The following TBC1D22A variants were observed in gnomAD, a reference collection of about 807,000 sequenced individuals.
TBC1D22A encodes the protein putative GTPase activator.
TBC1D22A carries 38 observed loss-of-function variants against 60.2 expected under a neutral mutation model. The ratio of observed to expected loss-of-function variants is 0.63; its 90% CI spans 0.49 to 0.83. The LOEUF (loss-of-function observed/expected upper bound fraction) is 0.83, where lower values mean the gene tolerates loss of function less well. Among genes scored for constraint, TBC1D22A ranks in the 40% least tolerant of loss-of-function variants. The pLI, the probability that TBC1D22A is intolerant of heterozygous loss-of-function variation, is 0.00. For synonymous variants in TBC1D22A, 302 were observed against 281.7 expected (o/e 1.07, Z -0.72); for missense variants, 628 against 701.0 (o/e 0.90, Z 1.18).
chr22:47,144,498 C>A (rs1255548463), intron 12 of TBC1D22A, among the ~76,000 whole-genome samples: 1 of 152,254 alleles, frequency 6.6e-6, no homozygotes, highest in African/African-American at 2.4e-5. Context: ...ACTGCACCAG[C>A]GTCCCTCCTT....
intron 8 of TBC1D22A, among the ~76,000 whole-genome samples, chr22:46,953,848 ATG>A (rs1555967614): frequency 1.3e-5 from 2 of 152,222 alleles, no homozygotes; most frequent in Non-Finnish European, 2.9e-5. Context: ...TTAGCTGTGC[ATG>A]TGTGTGATTC....
chr22:46,839,196 A>G (rs2147203325), intron 4 of TBC1D22A, among the ~76,000 whole-genome samples: 1 of 152,364 alleles, frequency 6.6e-6, no homozygotes, highest in East Asian at 1.9e-4. Context: ...GTTTCTATAC[A>G]CTAACAACAA....
intron 10 of TBC1D22A, 84 bp from the exon 11 acceptor site, chr22:47,036,987 G>C: frequency 6.4e-7 from 1 of 1,573,294 alleles, no homozygotes; most frequent in Non-Finnish European, 8.7e-7. Context: ...GCGGGCGCAG[G>C]CCCTTGGGGG....
chr22:47,056,708 C>A (rs2148460235), intron 11 of TBC1D22A, among the ~76,000 whole-genome samples: 1 of 152,340 alleles, frequency 6.6e-6, no homozygotes, highest in East Asian at 1.9e-4. Flanking sequence ...CCCAGGCCTT[C>A]TGTCCTAGAA....
chr22:47,015,080 C>T (rs915378692), intron 10 of TBC1D22A, among the ~76,000 whole-genome samples: 1 of 152,216 alleles, frequency 6.6e-6, no homozygotes, highest in Non-Finnish European at 1.5e-5. Context: ...TTCCTGATGC[C>T]CCACCTGCGG....
At chr22:46,999,964 G>A (rs1290008402) in intron 10 of TBC1D22A, among the ~76,000 whole-genome samples, 1 of 152,182 alleles carries the variant, frequency 6.6e-6, no homozygotes, top group East Asian at 1.9e-4. Flanking sequence ...GGCGGAGCTC[G>A]CAGTGAGCCG....
At chr22:47,129,021 G>A (rs533870924) in intron 12 of TBC1D22A, among the ~76,000 whole-genome samples, 93 of 152,338 alleles carry the variant, frequency 6.1e-4, no homozygotes, top group African/African-American at 2.0e-3. Context: ...ACCAGGATAC[G>A]TAGGCCTCTC....
At chr22:47,146,871 G>A (rs926192704) in intron 12 of TBC1D22A, among the ~76,000 whole-genome samples, 5 of 152,222 alleles carry the variant, frequency 3.3e-5, no homozygotes, top group African/African-American at 1.2e-4. Flanking sequence ...GCTAGGAGAG[G>A]GCTGTCTGCC....
In TBC1D22A at chr22:46,980,275, C is replaced by T. The variant is rs1004594801; in HGVS notation, c.1125+5876C>T. 5.4e-4 allele frequency among the ~76,000 whole-genome samples: 83 copies of T among 152,328 alleles called. 1 individual carries two copies. Among genetic ancestry groups the T allele is most frequent in the Middle Eastern group, 3.4e-3 (1 of 294 alleles). On this transcript the variant is annotated intron_variant, in intron 9 of 12. Transcript: ENST00000337137. ...CTGGCTCACTGCAACCTCCATCTCC[C>T]GGGTTCAAGTGATTCTCCTGTCTCA...
intron 4 of TBC1D22A, among the ~76,000 whole-genome samples, chr22:46,863,932 C>T (rs1482298905): frequency 6.6e-6 from 1 of 152,168 alleles, no homozygotes. Context: ...CCTTCTCTAG[C>T]TCAGCATCTA....
chr22:46,851,914 G>T (rs891045924), intron 4 of TBC1D22A, among the ~76,000 whole-genome samples: 1 of 152,240 alleles, frequency 6.6e-6, no homozygotes, highest in Non-Finnish European at 1.5e-5. Flanking sequence ...AGAGGCAGGG[G>T]TCATGAGCTG....
chr22:46,793,321 A>C (rs185196435), intron 2 of TBC1D22A, among the ~76,000 whole-genome samples, 180 bp from the exon 3 acceptor site: 10 of 152,266 alleles, frequency 6.6e-5, no homozygotes, highest in Admixed American at 5.9e-4. Flanking sequence ...CTGAGTCCTC[A>C]TGGGCTTCGC....
intron 4 of TBC1D22A, among the ~76,000 whole-genome samples, chr22:46,798,807 G>A (rs556484853): frequency 2.0e-5 from 3 of 152,236 alleles, no homozygotes; most frequent in African/African-American, 4.8e-5. Context: ...CGGATGGGCC[G>A]CCAGGAGCCA....
intron 8 of TBC1D22A, among the ~76,000 whole-genome samples, chr22:46,922,628 C>G (rs959566203): frequency 6.6e-6 from 1 of 152,114 alleles, no homozygotes; most frequent in East Asian, 1.9e-4. Context: ...TTGTAATTCT[C>G]ATTGTAGAGA....
intron 11 of TBC1D22A, among the ~76,000 whole-genome samples, chr22:47,045,139 G>A (rs746201676): frequency 1.3e-4 from 20 of 152,228 alleles, no homozygotes; most frequent in African/African-American, 4.6e-4. Context: ...TGTTTTGGGC[G>A]CTGACTCGTA....
chr22:47,127,123 C>T (rs1283526135), intron 12 of TBC1D22A, among the ~76,000 whole-genome samples: 2 of 152,126 alleles, frequency 1.3e-5, no homozygotes, highest in African/African-American at 4.8e-5. Flanking sequence ...CACTCTTTCT[C>T]TCTTTGCAAA....
intron 8 of TBC1D22A, among the ~76,000 whole-genome samples, chr22:46,941,463 T>C (rs2072073578): frequency 6.8e-6 from 1 of 147,308 alleles, no homozygotes; most frequent in Admixed American, 6.9e-5. Flanking sequence ...ACGGAATATA[T>C]ATACACGGAA....
chr22:46,844,290 G>A (rs2086897431), intron 4 of TBC1D22A, among the ~76,000 whole-genome samples: 2 of 151,982 alleles, frequency 1.3e-5, no homozygotes, highest in Non-Finnish European at 1.5e-5. Flanking sequence ...TGTGTAGACC[G>A]TGAACTATTC....
chr22:47,052,779 G>A (rs1044760639), intron 11 of TBC1D22A, among the ~76,000 whole-genome samples: 6 of 152,198 alleles, frequency 3.9e-5, no homozygotes, highest in African/African-American at 1.2e-4. Flanking sequence ...GTACCCCCGG[G>A]CATCTTCCTG....
Sources: gnomAD v4.1 joint callset for allele counts (sites outside exome capture counted in the v4.1 genomes callset) on GRCh38, gnomAD v4.1.1 for gene constraint, MANE v1.5 for transcripts, NCBI Gene and HGNC (gene_info 2026-07-23, HGNC 2026-07-21) for gene names.